Variants in ASPH observed in about 807,000 individuals in gnomAD.
ASPH encodes the protein aspartyl/asparaginyl beta-hydroxylase.
Under a neutral mutation model 118.4 loss-of-function variants are expected in ASPH, and 100 were observed. The ratio of observed to expected loss-of-function variants is 0.84; its 90% CI spans 0.72 to 1.00. The LOEUF (loss-of-function observed/expected upper bound fraction) is 1.00, where lower values mean the gene tolerates loss of function less well. Ranked by LOEUF, ASPH falls within the 50% of genes least tolerant of loss-of-function variation. The pLI is 0.00. For synonymous variants in ASPH, 315 were observed against 325.6 expected, an observed-to-expected ratio of 0.97 and a Z score of 0.35; for missense variants, 920 against 919.5, an observed-to-expected ratio of 1.00 and a Z score of -0.01.
At chr8:61,637,745 T>A (rs1367697071) in intron 12 of ASPH, among the ~76,000 whole-genome samples, 1 of 152,194 alleles carries the variant, frequency 6.6e-6, no homozygotes, top group Non-Finnish European at 1.5e-5. Context: ...CTTCTCATAA[T>A]CCTTAATTCC....
chr8:61,531,371 A>C (rs1274519861), intron 21 of ASPH, among the ~76,000 whole-genome samples: 1 of 152,014 alleles, frequency 6.6e-6, no homozygotes, highest in Non-Finnish European at 1.5e-5. Context: ...TGGGCTCCCT[A>C]ATTACTGGAT....
intron 21 of ASPH, among the ~76,000 whole-genome samples, chr8:61,530,919 G>A (rs1817343157): frequency 2.0e-5 from 3 of 152,086 alleles, no homozygotes; most frequent in Non-Finnish European, 4.4e-5. Context: ...ATCTATTATA[G>A]AAGGTTAACA....
chr8:61,589,629 T>A (rs79666911), intron 14 of ASPH, among the ~76,000 whole-genome samples: 2,261 of 152,274 alleles, frequency 0.015, 46 homozygotes, highest in African/African-American at 0.052. Flanking sequence ...TTGAACTACA[T>A]CAAAACACTG....
intron 1 of ASPH, among the ~76,000 whole-genome samples, chr8:61,704,425 T>C (rs1388027109): frequency 6.6e-6 from 1 of 151,682 alleles, no homozygotes; most frequent in Non-Finnish European, 1.5e-5. Context: ...AAACTGAAAC[T>C]ATAAAACTTC....
intron 13 of ASPH, among the ~76,000 whole-genome samples, chr8:61,621,506 A>G (rs541730105): frequency 8.5e-5 from 13 of 152,332 alleles, no homozygotes; most frequent in Admixed American, 4.6e-4. Flanking sequence ...CTCTGTACCT[A>G]TGCTTCTCTG....
intron 3 of ASPH, among the ~76,000 whole-genome samples, chr8:61,676,636 A>G (rs553195253): frequency 3.4e-4 from 51 of 152,230 alleles, no homozygotes; most frequent in African/African-American, 1.1e-3. Context: ...GTAATGGAAA[A>G]ATCAGTTGAC....
intron 16 of ASPH, among the ~76,000 whole-genome samples, chr8:61,571,910 T>C (rs1329977306): frequency 6.6e-6 from 1 of 152,198 alleles, no homozygotes; most frequent in African/African-American, 2.4e-5. Context: ...TCTTACTTAA[T>C]AGCAAAATGA....
chr8:61,649,491 A>G (rs1196829151), intron 5 of ASPH, among the ~76,000 whole-genome samples: 1 of 152,172 alleles, frequency 6.6e-6, no homozygotes, highest in East Asian at 1.9e-4. Context: ...TGAGGGCTGC[A>G]GCTATATATT....
intron 23 of ASPH, 143 bp from the exon 24 acceptor site, chr8:61,517,804 T>C: frequency 1.6e-6 from 2 of 1,265,666 alleles, no homozygotes; most frequent in Non-Finnish European, 1.1e-6. Context: ...CTTATTTCTT[T>C]GTGAAGGAAC....
chr8:61,626,894 G>C (rs969341210), intron 13 of ASPH, among the ~76,000 whole-genome samples: 2 of 151,428 alleles, frequency 1.3e-5, no homozygotes, highest in Admixed American at 1.3e-4. Flanking sequence ...TACTATCACA[G>C]AATTGGATTT....
In ASPH at chr8:61,644,637, A is replaced by G. The variant is rs1806936004; in HGVS notation, c.620-5T>C. 2 of 1,110,822 alleles carry G rather than the reference A, an allele frequency of 1.8e-6. No individual in the cohort carries two copies. Among genetic ancestry groups the G allele is most frequent in the Non-Finnish European group, 2.5e-6 (2 of 814,056 alleles). 68.8% of individuals were successfully genotyped at this position (1,110,822 alleles called of 1,614,324 possible). A position where few individuals can be genotyped will look rare whatever the true frequency, so the allele number is the denominator to read the frequency against. ...CGTGGTAACTATGCTCGGTTTCTGG[A>G]AAAAAAAAAATTAGATTGATATTTA... On this transcript the variant is annotated splice_region_variant and splice_polypyrimidine_tract_variant and intron_variant, in intron 6 of 24. Coordinates refer to ENST00000379454, the MANE Select transcript of ASPH (RefSeq NM_004318.4).
At chr8:61,585,538 T>C (rs913288231) in intron 14 of ASPH, among the ~76,000 whole-genome samples, 5 of 152,236 alleles carry the variant, frequency 3.3e-5, no homozygotes, top group African/African-American at 1.2e-4. Flanking sequence ...ACACCTGTCT[T>C]GTGCCTTCTG....
chr8:61,676,107 T>C (rs1047206383), intron 3 of ASPH: 3 of 1,599,444 alleles, frequency 1.9e-6, no homozygotes, highest in Non-Finnish European at 2.5e-6. Flanking sequence ...ATGACACAAG[T>C]CTTTCCCTGA....
intron 3 of ASPH, among the ~76,000 whole-genome samples, chr8:61,655,657 C>T (rs140527558): frequency 6.6e-6 from 1 of 152,246 alleles, no homozygotes; most frequent in East Asian, 1.9e-4. Flanking sequence ...ACATACAATG[C>T]CCCTGAGAGT....
At chr8:61,644,463 C>A in intron 7 of ASPH, 137 bp downstream of exon 7, 1 of 608,818 alleles carries the variant, frequency 1.6e-6, no homozygotes, top group Non-Finnish European at 2.5e-6. Flanking sequence ...AAATATAAGA[C>A]GTAATAAAAT....
Position 61,501,273 on chromosome 8 carries a change from G to A in ASPH, c.*2086C>T, listed in dbSNP as rs1272337281. 2 of 152,076 alleles carry A rather than the reference G, an allele frequency of 1.3e-5. No individual in the cohort carries two copies. Among genetic ancestry groups the A allele is most frequent in the Non-Finnish European group, 2.9e-5 (2 of 67,984 alleles). The allele number at this position is 152,076 out of a possible 1,614,324, so 9.4% of individuals were successfully genotyped here. ...TATTGCTTGGGTTTAAAATAGTTGTGGGATACAAGTATTTACAATGCTATT... is the reference window on the plus strand; with the variant it reads ...TATTGCTTGGGTTTAAAATAGTTGTAGGATACAAGTATTTACAATGCTATT... On this transcript the variant is annotated 3_prime_UTR_variant, in exon 25 of 25. Coordinates refer to ENST00000379454, the MANE Select transcript of ASPH (RefSeq NM_004318.4).
chr8:61,653,426 T>A (rs1379867281), intron 4 of ASPH, 142 bp downstream of exon 4: 3 of 755,736 alleles, frequency 4.0e-6, no homozygotes, highest in Admixed American at 3.3e-5. Context: ...AAATACTACA[T>A]AATTTCAGAA....
intron 18 of ASPH, among the ~76,000 whole-genome samples, chr8:61,559,946 G>C (rs36005193): frequency 0.12 from 17,632 of 152,140 alleles, 2,516 homozygotes; most frequent in African/African-American, 0.34. Flanking sequence ...AGGGTTGGGG[G>C]GGGGAGCAAG....
chr8:61,706,317 G>C (rs780736643), intron 1 of ASPH, among the ~76,000 whole-genome samples: 8 of 149,856 alleles, frequency 5.3e-5, no homozygotes, highest in Non-Finnish European at 1.2e-4. Flanking sequence ...CAGCTACCAG[G>C]GAGGCTGAGG....
Sources: gnomAD v4.1 joint callset for allele counts (sites outside exome capture counted in the v4.1 genomes callset) on GRCh38, gnomAD v4.1.1 for gene constraint, MANE v1.5 for transcripts, NCBI Gene and HGNC (gene_info 2026-07-23, HGNC 2026-07-21) for gene names.